Variants in MYSM1 observed in about 807,000 individuals in gnomAD.
The protein encoded by MYSM1 is deubiquitinase MYSM1.
In MYSM1, 51 loss-of-function variants were observed where a neutral mutation model predicts 116.0. The observed-to-expected ratio is 0.44, with a 90% confidence interval of 0.35 to 0.56. The LOEUF (loss-of-function observed/expected upper bound fraction) is 0.56. Among genes scored for constraint, MYSM1 ranks in the 20% least tolerant of loss-of-function variants. The pLI is 0.00. For missense variants in MYSM1, 900 were observed against 974.9 expected (o/e 0.92, Z 1.02); for synonymous variants, 313 against 315.2 (o/e 0.99, Z 0.07).
At position 58,690,323 on chromosome 1, in the gene MYSM1, T is replaced by C. The variant is rs779614005; in HGVS notation, c.296+17A>G. The C allele has an allele frequency of 1.3e-6, 2 of 1,592,104 alleles. No homozygotes were observed. Among genetic ancestry groups the C allele is most frequent in the Non-Finnish European group, 1.7e-6 (2 of 1,170,456 alleles). ...ACTACAATCCAGACTTTTAGAAATA[T>C]TATAAATTGATTTTACCTCTTCATG... On this transcript the variant is annotated intron_variant, in intron 4 of 19. Coordinates refer to ENST00000472487, the MANE Select transcript of MYSM1 (RefSeq NM_001085487.3).
rs569309775 is a variant in MYSM1 at position 58,662,779 on chromosome 1, CTGA to C, written c.2165-1271_2165-1269del. On this transcript the variant is annotated intron_variant, in intron 17 of 19. Coordinates refer to ENST00000472487, the MANE Select transcript of MYSM1 (RefSeq NM_001085487.3). ...TTTGGAAGGAAAGGGGACAGCAAGC[CTGA>C]TGATGATGACTGATCTTTTTTATTT... 1.6e-4 allele frequency among the ~76,000 whole-genome samples: 24 copies of C among 152,186 alleles called. No homozygotes were observed. The South Asian group carries it at 1.7e-3, about 11-fold the overall frequency.
chr1:58,678,601 T>G (rs1644690930), intron 8 of MYSM1, among the ~76,000 whole-genome samples: 1 of 152,204 alleles, frequency 6.6e-6, no homozygotes, highest in Non-Finnish European at 1.5e-5. Context: ...GCCCTCATGT[T>G]GCCTGCATTA....
intron 12 of MYSM1, among the ~76,000 whole-genome samples, chr1:58,670,421 G>C (rs1258449592): frequency 6.6e-6 from 1 of 152,170 alleles, no homozygotes; most frequent in Non-Finnish European, 1.5e-5. Context: ...GCAGACTGCA[G>C]AAAAGGAGGA....
rs1183218049 is a variant in MYSM1, at chr1:58,661,209, T to C, written c.2289A>G (p.Lys763=). The change falls in exon 19 of 20, where the codon AAA becomes AAG. Residue 763 remains lysine, a synonymous_variant. Transcript: ENST00000472487. The part of the protein sequence containing the change: ...RLSHSSVPMD[K]IFRRDSDLTC... ...TCAGGTCAGAATCCCGGCGAAAGAT[T>C]TTATCCATGGGGACGCTGCTGTAGG... is the stretch of plus-strand genomic sequence containing the variant. The C allele has an allele frequency of 2.5e-6, 4 of 1,613,216 alleles. No homozygotes were observed. The South Asian group carries it at 4.4e-5, about 18-fold the overall frequency.
At chr1:58,697,579 A>T (rs909575038) in intron 1 of MYSM1, among the ~76,000 whole-genome samples, 1 of 151,778 alleles carries the variant, frequency 6.6e-6, no homozygotes. Context: ...GTAGAAGAGA[A>T]ACCAAAAAAA....
chr1:58,685,250 G>A lies in MYSM1; in HGVS notation c.401C>T (p.Ala134Val). 6.2e-7 allele frequency: 1 copy of A among 1,604,614 alleles called. No homozygotes were observed. The highest frequency in any genetic ancestry group is 8.5e-7 in the Non-Finnish European group (1 of 1,176,820). The change falls in exon 7 of 20, where the codon GCT becomes GTT. Residue 134 changes from alanine (A) to valine (V), a missense_variant and splice_region_variant. Transcript: ENST00000472487. The part of the protein sequence containing the change: ...EEKELFEQGL[A>V]KFGRRWTKIS... ...TTTGGTCCATCTTCGGCCAAATTTAGCCTGTATTATTAAAATGGGAAAAAA... is the reference window on the plus strand; with the variant it reads ...TTTGGTCCATCTTCGGCCAAATTTAACCTGTATTATTAAAATGGGAAAAAA...
chr1:58,696,812 G>A (rs1315454754), intron 1 of MYSM1, among the ~76,000 whole-genome samples: 2 of 152,152 alleles, frequency 1.3e-5, no homozygotes, highest in East Asian at 3.9e-4. Context: ...CATGTAGAAG[G>A]TACTCAATAA....
At chr1:58,697,988 C>T (rs1319643775) in intron 1 of MYSM1, among the ~76,000 whole-genome samples, 4 of 148,644 alleles carry the variant, frequency 2.7e-5, no homozygotes, top group East Asian at 2.0e-4. Context: ...TTCACAGATG[C>T]TATAATATCA....
chr1:58,662,895 A>G (rs140805538), intron 17 of MYSM1, among the ~76,000 whole-genome samples: 12 of 152,222 alleles, frequency 7.9e-5, no homozygotes, highest in Non-Finnish European at 1.6e-4. Flanking sequence ...TTATGGTGAT[A>G]ACAGTCATTT....
At chr1:58,688,749 G>A (rs1166565706) in intron 6 of MYSM1, among the ~76,000 whole-genome samples, 1 of 151,864 alleles carries the variant, frequency 6.6e-6, no homozygotes, top group Non-Finnish European at 1.5e-5. Flanking sequence ...GGTAGTTGGT[G>A]TCATGTATAC....
At chr1:58,696,454 A>T (rs934318876) in intron 1 of MYSM1, among the ~76,000 whole-genome samples, 3 of 152,162 alleles carry the variant, frequency 2.0e-5, no homozygotes, top group Admixed American at 2.0e-4. Flanking sequence ...CATCTCACTC[A>T]GTGGCACCAC....
chr1:58,663,872 T>C (rs1215462997), intron 17 of MYSM1, among the ~76,000 whole-genome samples: 1 of 152,206 alleles, frequency 6.6e-6, no homozygotes, highest in Non-Finnish European at 1.5e-5. Flanking sequence ...TTTCTCCTTC[T>C]TGTGCCATAT....
In MYSM1 at chr1:58,675,332, A is replaced by G. The variant is rs975222907; in HGVS notation, c.1494+145T>C. 1.4e-5 allele frequency: 8 copies of G among 591,532 alleles called. No homozygotes were observed. In the African/African-American group the frequency reaches 1.5e-4, roughly 11 times the overall value. 36.6% of individuals were successfully genotyped at this position (591,532 alleles called of 1,614,324 possible). ...CATGAAATTGAATGAAACCCAGAAA[A>G]GCGAATTGCTAAGGTGAAACACAAG... is the stretch of plus-strand genomic sequence containing the variant. On this transcript the variant is annotated intron_variant, in intron 10 of 19. Transcript: ENST00000472487.
chr1:58,695,679 G>GA (rs1361831166), intron 1 of MYSM1, among the ~76,000 whole-genome samples: 1 of 151,070 alleles, frequency 6.6e-6, no homozygotes, highest in East Asian at 1.9e-4. Context: ...AAAACTAGAT[G>GA]AGAGAACCAA....
intron 8 of MYSM1, among the ~76,000 whole-genome samples, chr1:58,681,572 C>A (rs1644742092): frequency 6.6e-6 from 1 of 152,116 alleles, no homozygotes; most frequent in African/African-American, 2.4e-5. Flanking sequence ...TATTCCAGGC[C>A]CACAATCTAA....
chr1:58,669,212 A>G (rs1245306433), intron 12 of MYSM1, among the ~76,000 whole-genome samples, 174 bp from the exon 13 acceptor site: 1 of 140,506 alleles, frequency 7.1e-6, no homozygotes, highest in Non-Finnish European at 1.5e-5. Context: ...TTTAGATTTA[A>G]CAAGAACAAA....
chr1:58,669,860 A>G (rs12725159), intron 12 of MYSM1, among the ~76,000 whole-genome samples: 1 of 146,226 alleles, frequency 6.8e-6, no homozygotes, highest in Admixed American at 6.9e-5. Flanking sequence ...AAAAAAAAAA[A>G]AACAAAAAAG....
chr1:58,660,427 C>A (rs891131029), intron 19 of MYSM1, among the ~76,000 whole-genome samples: 1 of 152,024 alleles, frequency 6.6e-6, no homozygotes, highest in African/African-American at 2.4e-5. Context: ...CTACTTCGGA[C>A]GTATTTGCGA....
chr1:58,691,801 A>G lies in MYSM1; in HGVS notation c.218+1060T>C, dbSNP rs1471101036. 2.0e-5 allele frequency among the ~76,000 whole-genome samples: 3 copies of G among 152,114 alleles called. No individual in the cohort carries two copies. In the East Asian group the frequency reaches 5.8e-4, roughly 29 times the overall value. On this transcript the variant is annotated intron_variant, in intron 3 of 19. Transcript: ENST00000472487. ...AGAATCGCTTGAACCAGGGAGGCAG[A>G]GGTTGCAGTGAGCCAAGATCGCACC...
Sources: allele counts gnomAD v4.1 joint callset (sites outside exome capture counted in the v4.1 genomes callset), GRCh38; gene constraint gnomAD v4.1.1; transcripts MANE v1.5; gene names NCBI Gene and HGNC (gene_info 2026-07-23, HGNC 2026-07-21).